PLXNA2: variants seen among roughly 807,000 people sequenced by gnomAD.
PLXNA2 encodes plexin-A2.
In PLXNA2, 91 loss-of-function variants were observed where a neutral mutation model predicts 193.5. The ratio of observed to expected loss-of-function variants is 0.47; its 90% CI spans 0.40 to 0.56. The LOEUF (loss-of-function observed/expected upper bound fraction) is 0.56, where lower values mean the gene tolerates loss of function less well. PLXNA2 is among the 20% of genes least tolerant of loss of function. PLXNA2 has a pLI of 0.00. For synonymous variants in PLXNA2, 997 were observed against 1,027.3 expected, an observed-to-expected ratio of 0.97 and a Z score of 0.56; for missense variants, 1,995 against 2,503.2, an observed-to-expected ratio of 0.80 and a Z score of 4.33.
intron 4 of PLXNA2, among the ~76,000 whole-genome samples, chr1:208,122,759 A>G (rs569443274): frequency 1.3e-5 from 2 of 152,314 alleles, no homozygotes; most frequent in South Asian, 2.1e-4. Flanking sequence ...GGAACAGAGA[A>G]TAAGGATGGC....
chr1:208,076,942 G>A (rs774474866), intron 12 of PLXNA2, among the ~76,000 whole-genome samples: 1 of 151,924 alleles, frequency 6.6e-6, no homozygotes, highest in Admixed American at 6.6e-5. Flanking sequence ...TACTATTTTT[G>A]TACCTTTTTA....
chr1:208,231,309 C>G (rs763305378), intron 1 of PLXNA2, among the ~76,000 whole-genome samples: 5 of 151,698 alleles, frequency 3.3e-5, no homozygotes, highest in Non-Finnish European at 7.4e-5. Flanking sequence ...AGAGAGAAGC[C>G]GGGAAAAGGG....
chr1:208,027,304 C>T lies in PLXNA2; in HGVS notation c.5624G>A (p.Arg1875Gln), dbSNP rs573661376. 79 of 1,613,550 alleles carry T rather than the reference C, an allele frequency of 4.9e-5. No homozygotes were observed. In the East Asian group the frequency reaches 5.1e-4, roughly 10 times the overall value. Residue 1875 changes from arginine to glutamine, a missense_variant, in exon 32 of 32, where the codon CGG (arginine) becomes CAG (glutamine). This residue lies in a region of PLXNA2 where 1,291 missense variants were observed against 1,673.6 expected (regional missense o/e 0.77). Transcript: ENST00000367033. The part of the protein sequence containing the change: ...IGALEQDEQA[R>Q]RQRLAYKVEQ... ...CACCTTATAAGCCAGCCGCTGCCGC[C>T]GTGCCTGCTCATCCTGCTCTAGGGC...
chr1:208,060,869 T>C, intron 12 of PLXNA2, 32 bp from the exon 13 acceptor site: 1 of 1,609,564 alleles, frequency 6.2e-7, no homozygotes, highest in Non-Finnish European at 8.5e-7. Context: ...AGCAATTTGG[T>C]TTGGTCACAG....
intron 1 of PLXNA2, among the ~76,000 whole-genome samples, chr1:208,229,271 T>C (rs1165782612): frequency 6.6e-6 from 1 of 152,178 alleles, no homozygotes; most frequent in East Asian, 1.9e-4. Context: ...ACACACTACA[T>C]TGCAGCATTG....
rs1342151985 is a variant in PLXNA2, at chr1:208,236,148, C to T, written c.-81+7495G>A. 6.6e-6 allele frequency among the ~76,000 whole-genome samples: 1 copy of T among 152,166 alleles called. No individual in the cohort carries two copies. Among genetic ancestry groups the T allele is most frequent in the Admixed American group, 6.5e-5 (1 of 15,284 alleles). On this transcript the variant is annotated intron_variant, in intron 1 of 31. Transcript: ENST00000367033. The surrounding 1 kb of genome is among the most constrained non-coding windows in gnomAD (Gnocchi z 4.4). ...TGCTGACTCACGAGGGGCCTCCTGC[C>T]TGTGGACGGGGAAGGAGCCTGGGTC...
intron 4 of PLXNA2, among the ~76,000 whole-genome samples, chr1:208,121,483 T>C (rs1972038): frequency 0.96 from 145,378 of 152,194 alleles, 69,796 homozygotes; most frequent in East Asian, 1. Context: ...ATCATGGGGG[T>C]GGTTTCCCTC....
At position 208,090,240 on chromosome 1, in the gene PLXNA2, C is replaced by T. The variant is rs149838250; in HGVS notation, c.2097+2546G>A. On this transcript the variant is annotated intron_variant, in intron 9 of 31. Coordinates refer to ENST00000367033, the MANE Select transcript of PLXNA2 (RefSeq NM_025179.4). ...ATGCACACGAGCATAAGAGAGCAGC[C>T]GTACACCATTCCTACTCAGGGCAAT... Among the ~76,000 whole-genome samples, 554 of 152,224 alleles carry T rather than the reference C, an allele frequency of 3.6e-3. 6 individuals carry two copies. The highest frequency in any genetic ancestry group is 0.013 in the African/African-American group (526 of 41,522).
intron 3 of PLXNA2, among the ~76,000 whole-genome samples, chr1:208,202,676 G>C (rs949447861): frequency 1.3e-5 from 2 of 152,156 alleles, no homozygotes; most frequent in African/African-American, 2.4e-5. Context: ...TAAGACCTCT[G>C]TAAACACCAG....
chr1:208,042,176 T>C lies in PLXNA2; in HGVS notation c.4208A>G (p.Asp1403Gly). Residue 1403 changes from aspartate to glycine, a missense_variant, in exon 22 of 32, where the codon GAT (aspartate) becomes GGT (glycine). By Grantham distance (94) the Asp-to-Gly change is moderately conservative (BLOSUM62 -1). Coordinates refer to ENST00000367033, the MANE Select transcript of PLXNA2 (RefSeq NM_025179.4). ...GLQGRLEYAT[D>G]VLKQLLSDLI... ...GTCAGAGAGCAGCTGCTTGAGGACA[T>C]CAGTGGCATATTCCAGGCGGCCCTG... 6.2e-7 allele frequency: 1 copy of C among 1,614,210 alleles called. No individual in the cohort carries two copies. Among genetic ancestry groups the C allele is most frequent in the Non-Finnish European group, 8.5e-7 (1 of 1,180,024 alleles).
chr1:208,162,143 G>A (rs906613891), intron 3 of PLXNA2, among the ~76,000 whole-genome samples: 3 of 152,182 alleles, frequency 2.0e-5, no homozygotes, highest in African/African-American at 4.8e-5. Context: ...CACCCTGATG[G>A]GAAGGTAGAA....
intron 3 of PLXNA2, among the ~76,000 whole-genome samples, chr1:208,180,898 C>A (rs1001453047): frequency 2.6e-5 from 4 of 152,184 alleles, no homozygotes; most frequent in African/African-American, 9.7e-5. Flanking sequence ...CCGCTATTGG[C>A]CCTGGCCATG....
At chr1:208,135,395 T>C (rs990260665) in intron 4 of PLXNA2, among the ~76,000 whole-genome samples, 1 of 152,158 alleles carries the variant, frequency 6.6e-6, no homozygotes. Context: ...CTGTGCAAGA[T>C]GAGACAATAT....
In PLXNA2 at chr1:208,082,650, C is replaced by A. The variant is rs1666385237; in HGVS notation, c.2299-142G>T. On this transcript the variant is annotated intron_variant, in intron 10 of 31. Transcript: ENST00000367033. The surrounding 1 kb of genome is among the most constrained non-coding windows in gnomAD (Gnocchi z 4.2). ...AGTCACTAATGCCAAGAGAATCCCA[C>A]CCAAGCCTCCTAGCTTGGCATTCAG... 2 of 682,292 alleles carry A rather than the reference C, an allele frequency of 2.9e-6. No individual in the cohort carries two copies. Among genetic ancestry groups the A allele is most frequent in the Admixed American group, 2.1e-5 (1 of 47,102 alleles). The allele number at this position is 682,292 out of a possible 1,614,324, so 42.3% of individuals were successfully genotyped here.
rs1391938715 is a variant in PLXNA2, at chr1:208,038,556, G to A, written c.4661-82C>T. Reference sequence around the variant, plus strand: ...GTGTCTCCCGATTGCACCTTCTCTAGGGACCTGGCAACCCGGCCCCCTCAA... The same window carrying A: ...GTGTCTCCCGATTGCACCTTCTCTAAGGACCTGGCAACCCGGCCCCCTCAA... On this transcript the variant is annotated intron_variant, in intron 25 of 31. Coordinates refer to ENST00000367033, the MANE Select transcript of PLXNA2 (RefSeq NM_025179.4). This position sits in a 1 kb window ranked among gnomAD's most constrained non-coding sequence, Gnocchi z 4.1. The A allele has an allele frequency of 3.5e-6, 4 of 1,130,466 alleles. No homozygotes were observed. In the Admixed American group the frequency reaches 6.8e-5, roughly 19 times the overall value. The allele number at this position is 1,130,466 out of a possible 1,614,324, so 70.0% of individuals were successfully genotyped here.
intron 3 of PLXNA2, among the ~76,000 whole-genome samples, chr1:208,196,323 G>C (rs1362560661): frequency 6.6e-6 from 1 of 151,868 alleles, no homozygotes; most frequent in African/African-American, 2.4e-5. Flanking sequence ...CTGTTTCCTA[G>C]GGTTTTATGT....
chr1:208,042,228 C>G lies in PLXNA2; in HGVS notation c.4156G>C (p.Val1386Leu). 1.2e-6 allele frequency: 2 copies of G among 1,614,230 alleles called. No homozygotes were observed. Among genetic ancestry groups the G allele is most frequent in the Non-Finnish European group, 1.7e-6 (2 of 1,180,046 alleles). ...AGGCCGGTCATGATGAGCGAAGCCA[C>G]GTTGCCCCGGTCGCGCATGGAGAAA... ...RSFSMRDRGN[V>L]ASLIMTGLQG... The change falls in exon 22 of 32, where the codon GTG becomes CTG. Residue 1386 changes from valine to leucine, a missense_variant. Transcript: ENST00000367033.
intron 23 of PLXNA2, 52 bp downstream of exon 23, chr1:208,039,940 A>T: frequency 6.3e-7 from 1 of 1,588,626 alleles, no homozygotes; most frequent in Non-Finnish European, 8.6e-7. Flanking sequence ...GGATCTAAGC[A>T]GCAGTGCCAT....
In PLXNA2 at chr1:208,025,290, C is replaced by T. The variant is rs11118974; in HGVS notation, c.*1953G>A. 10,029 of 152,510 alleles carry T rather than the reference C, an allele frequency of 0.066. 397 individuals are homozygous for T. Among genetic ancestry groups the T allele is most frequent in the Middle Eastern group, 0.14 (42 of 294 alleles). The allele number at this position is 152,510 out of a possible 1,614,324, so 9.4% of individuals were successfully genotyped here. ...GAAGCCAGACCTCTGCGCTCCCCTC[C>T]CCCAGCCCTCTCCTGGGAATCACAT... On this transcript the variant is annotated 3_prime_UTR_variant, in exon 32 of 32. Coordinates refer to ENST00000367033, the MANE Select transcript of PLXNA2 (RefSeq NM_025179.4).
Sources: allele counts gnomAD v4.1 joint callset (sites outside exome capture counted in the v4.1 genomes callset), GRCh38; gene constraint gnomAD v4.1.1; regional missense constraint gnomAD v4.1.1; non-coding constraint Gnocchi (gnomAD v3.1); transcripts MANE v1.5; gene names NCBI Gene and HGNC (gene_info 2026-07-23, HGNC 2026-07-21).